The following CHODL variants were observed in gnomAD, a reference collection of about 807,000 sequenced individuals.
CHODL encodes the protein transmembrane protein MT75.
CHODL carries 29 observed loss-of-function variants against 34.5 expected under a neutral mutation model. That is an observed-to-expected ratio of 0.84 (90% CI 0.63 to 1.15). The LOEUF (loss-of-function observed/expected upper bound fraction) is 1.15, where lower values mean the gene tolerates loss of function less well. Among genes scored for constraint, CHODL ranks in the 50% most tolerant of loss-of-function variants. The probability of loss-of-function intolerance (pLI) is 0.00; values close to 1 mark genes in which losing one functional copy is unlikely to be tolerated. For missense variants in CHODL, 332 were observed against 332.5 expected (o/e 1.00, Z 0.01); for synonymous variants, 125 against 116.1 (o/e 1.08, Z -0.49).
At chr21:18,108,104 G>A (rs552683407) in intron 2 of CHODL, among the ~76,000 whole-genome samples, 15 of 150,980 alleles carry the variant, frequency 9.9e-5, no homozygotes, top group Non-Finnish European at 2.1e-4. Context: ...TCTTGTTCTT[G>A]ACCAAGAAAC....
At chr21:18,063,817 A>G (rs2064697775) in intron 2 of CHODL, among the ~76,000 whole-genome samples, 1 of 152,144 alleles carries the variant, frequency 6.6e-6, no homozygotes, top group Middle Eastern at 3.2e-3. Flanking sequence ...CTCTAATGCC[A>G]AACTTAGCTG....
intron 2 of CHODL, among the ~76,000 whole-genome samples, chr21:18,167,981 C>T (rs1045151120): frequency 6.6e-6 from 1 of 152,172 alleles, no homozygotes; most frequent in Admixed American, 6.5e-5. Context: ...TAAAAGCAGG[C>T]AGAGGAACAT....
chr21:18,162,738 T>A (rs1356819735), intron 2 of CHODL, among the ~76,000 whole-genome samples: 1 of 152,214 alleles, frequency 6.6e-6, no homozygotes, highest in East Asian at 1.9e-4. Context: ...CTGTGTCATC[T>A]TCTTTGATTT....
At chr21:17,944,713 C>T (rs1305366059) in intron 1 of CHODL, among the ~76,000 whole-genome samples, 1 of 152,160 alleles carries the variant, frequency 6.6e-6, no homozygotes, top group East Asian at 1.9e-4. Flanking sequence ...TGGCAGTGGC[C>T]CAGCCAGCTA....
At chr21:18,005,108 CTTCT>C (rs1340911094) in intron 1 of CHODL, among the ~76,000 whole-genome samples, 1 of 152,194 alleles carries the variant, frequency 6.6e-6, no homozygotes, top group Non-Finnish European at 1.5e-5. Flanking sequence ...AAAAGATTCA[CTTCT>C]GAGAGCTCAT....
At chr21:18,085,482 A>G (rs1391060988) in intron 2 of CHODL, among the ~76,000 whole-genome samples, 1 of 151,898 alleles carries the variant, frequency 6.6e-6, no homozygotes, top group Non-Finnish European at 1.5e-5. Context: ...ATGTGTTTTT[A>G]TGATGGTGAA....
At chr21:18,029,855 G>A (rs571357319) in intron 2 of CHODL, among the ~76,000 whole-genome samples, 2 of 152,236 alleles carry the variant, frequency 1.3e-5, no homozygotes, top group South Asian at 2.1e-4. Context: ...GCGTGCAGTA[G>A]TGCTAGTGAG....
intron 2 of CHODL, among the ~76,000 whole-genome samples, chr21:18,186,577 T>C (rs953882602): frequency 1.3e-5 from 2 of 152,202 alleles, no homozygotes; most frequent in African/African-American, 4.8e-5. Flanking sequence ...CCACTGATTC[T>C]TTGTCTCTTT....
intron 2 of CHODL, among the ~76,000 whole-genome samples, chr21:18,137,628 T>C (rs2072749517): frequency 6.6e-6 from 1 of 152,110 alleles, no homozygotes; most frequent in South Asian, 2.1e-4. Context: ...AAAATATTCA[T>C]TAACAACTTT....
chr21:18,077,737 C>T (rs971528159), intron 2 of CHODL, among the ~76,000 whole-genome samples: 1 of 152,084 alleles, frequency 6.6e-6, no homozygotes, highest in African/African-American at 2.4e-5. Flanking sequence ...GCTGAATCTG[C>T]CAACACCTTG....
chr21:18,079,350 C>T (rs906711960), intron 2 of CHODL, among the ~76,000 whole-genome samples: 4 of 149,076 alleles, frequency 2.7e-5, no homozygotes, highest in South Asian at 2.1e-4. Context: ...TATATATATA[C>T]CATAGAATAT....
At chr21:18,232,946 T>G (rs886200321) in intron 2 of CHODL, among the ~76,000 whole-genome samples, 8 of 131,410 alleles carry the variant, frequency 6.1e-5, no homozygotes, top group East Asian at 4.2e-4. Context: ...TGTTATGATA[T>G]ATATATATAT....
intron 1 of CHODL, among the ~76,000 whole-genome samples, chr21:17,919,419 A>T (rs1336286601): frequency 2.6e-5 from 4 of 152,178 alleles, no homozygotes; most frequent in Non-Finnish European, 5.9e-5. Context: ...TACCACGTGG[A>T]AGCTACCAAG....
At chr21:17,975,091 G>GC (rs1397287732) in intron 1 of CHODL, among the ~76,000 whole-genome samples, 2 of 152,028 alleles carry the variant, frequency 1.3e-5, no homozygotes, top group African/African-American at 4.8e-5. Flanking sequence ...ACTTTGGAAG[G>GC]CCAAGCCAGG....
chr21:18,018,805 G>T (rs566268129), intron 1 of CHODL, among the ~76,000 whole-genome samples: 26 of 152,310 alleles, frequency 1.7e-4, no homozygotes, highest in African/African-American at 6.3e-4. Context: ...AGTCCTACAC[G>T]TGTGCTCCTT....
intron 1 of CHODL, chr21:18,027,838 G>C (rs2064192099): frequency 6.6e-6 from 1 of 152,504 alleles, no homozygotes; most frequent in African/African-American, 2.4e-5. Context: ...ATACAAGAGA[G>C]CTTGCTTCCT....
chr21:17,961,233 T>A (rs1347966994), intron 1 of CHODL, among the ~76,000 whole-genome samples: 1 of 152,216 alleles, frequency 6.6e-6, no homozygotes, highest in Non-Finnish European at 1.5e-5. Context: ...TCTTACCTCT[T>A]CTTTATGCCT....
At chr21:18,050,547 C>T (rs3097170) in intron 2 of CHODL, among the ~76,000 whole-genome samples, 20,412 of 151,814 alleles carry the variant, frequency 0.13, 1,508 homozygotes, top group Middle Eastern at 0.18. Context: ...CATAGATAAA[C>T]GTAAGATACA....
At position 18,074,581 on chromosome 21, in the gene CHODL, A is replaced by G. The variant is rs75729392; in HGVS notation, c.-45+46610A>G. Among the ~76,000 whole-genome samples, 564 of 152,246 alleles carry G rather than the reference A, an allele frequency of 3.7e-3. 3 individuals are homozygous for G. The highest frequency in any genetic ancestry group is 0.013 in the African/African-American group (549 of 41,562). On this transcript the variant is annotated intron_variant, in intron 2 of 6. Coordinates refer to the CHODL transcript ENST00000400127. ...TTAAAAGTTTTCGCTTGACTAATTG[A>G]TTCAAATACTTGAAGAGGAACTTGT...
Sources: allele counts gnomAD v4.1 joint callset (sites outside exome capture counted in the v4.1 genomes callset), GRCh38; gene constraint gnomAD v4.1.1; transcripts MANE v1.5; gene names NCBI Gene and HGNC (gene_info 2026-07-23, HGNC 2026-07-21).